SORCS1: variants seen among roughly 807,000 people sequenced by gnomAD.
SORCS1 encodes the protein VPS10 domain-containing receptor SorCS1.
Under a neutral mutation model 146.1 loss-of-function variants are expected in SORCS1, and 60 were observed. That is an observed-to-expected ratio of 0.41 (90% CI 0.33 to 0.51). The LOEUF is 0.51. Ranked by LOEUF, SORCS1 falls within the 20% of genes least tolerant of loss-of-function variation. The probability of loss-of-function intolerance (pLI) is 0.21; values close to 1 mark genes in which losing one functional copy is unlikely to be tolerated. For synonymous variants in SORCS1, 637 were observed against 584.0 expected, an observed-to-expected ratio of 1.09 and a Z score of -1.31; for missense variants, 1,352 against 1,487.6, an observed-to-expected ratio of 0.91 and a Z score of 1.50.
intron 21 of SORCS1, among the ~76,000 whole-genome samples, chr10:106,615,595 C>T (rs553699594): frequency 5.2e-4 from 79 of 152,166 alleles, no homozygotes; most frequent in Middle Eastern, 3.4e-3. Context: ...GGGAGGATCG[C>T]TTGAGGCCAG....
intron 1 of SORCS1, among the ~76,000 whole-genome samples, chr10:107,154,727 T>C (rs1590259285): frequency 6.6e-6 from 1 of 152,156 alleles, no homozygotes; most frequent in East Asian, 1.9e-4. Flanking sequence ...ATTACAAACA[T>C]CTTTTAATAG....
At chr10:106,952,632 T>G (rs186304160) in intron 2 of SORCS1, among the ~76,000 whole-genome samples, 22 of 149,032 alleles carry the variant, frequency 1.5e-4, no homozygotes, top group South Asian at 4.2e-4. Context: ...TCCACCTTAT[T>G]CTCTGTTTTC....
At chr10:107,140,679 A>G (rs1393802630) in intron 1 of SORCS1, among the ~76,000 whole-genome samples, 1 of 152,226 alleles carries the variant, frequency 6.6e-6, no homozygotes, top group Non-Finnish European at 1.5e-5. Context: ...ACATAGTCCC[A>G]TAAGAAATTG....
intron 4 of SORCS1, among the ~76,000 whole-genome samples, chr10:106,773,507 G>A (rs530216739): frequency 6.6e-6 from 1 of 152,298 alleles, no homozygotes; most frequent in South Asian, 2.1e-4. Flanking sequence ...AGATACGGAG[G>A]TCTTCTCTGA....
intron 24 of SORCS1, among the ~76,000 whole-genome samples, chr10:106,591,498 G>A (rs1289605061): frequency 6.6e-6 from 1 of 152,168 alleles, no homozygotes; most frequent in Admixed American, 6.5e-5. Flanking sequence ...GGATCTGAAG[G>A]TTAACTGCGG....
chr10:106,738,892 T>C (rs572457362), intron 5 of SORCS1, among the ~76,000 whole-genome samples: 3 of 152,166 alleles, frequency 2.0e-5, no homozygotes, highest in African/African-American at 7.2e-5. Context: ...CTCACTATAC[T>C]GCCCCGGCTG....
At chr10:107,122,529 T>C (rs996288459) in intron 1 of SORCS1, among the ~76,000 whole-genome samples, 1 of 152,204 alleles carries the variant, frequency 6.6e-6, no homozygotes, top group Non-Finnish European at 1.5e-5. Flanking sequence ...GGAAATAAGG[T>C]AAGACCCTAA....
intron 1 of SORCS1, among the ~76,000 whole-genome samples, chr10:106,983,730 A>C (rs1478212351): frequency 6.6e-6 from 1 of 152,164 alleles, no homozygotes; most frequent in Non-Finnish European, 1.5e-5. Flanking sequence ...TTAAGTTCAA[A>C]CATACGCTGC....
intron 20 of SORCS1, among the ~76,000 whole-genome samples, chr10:106,619,279 C>T (rs746189734): frequency 6.6e-6 from 1 of 152,196 alleles, no homozygotes; most frequent in Non-Finnish European, 1.5e-5. Flanking sequence ...TGAGTTCACA[C>T]ACATAGTTTC....
chr10:106,822,775 A>G (rs1291851784), intron 3 of SORCS1, among the ~76,000 whole-genome samples: 1 of 120,746 alleles, frequency 8.3e-6, no homozygotes, highest in African/African-American at 4.0e-5. Flanking sequence ...CTCTGAATTC[A>G]TGTGTGGTTT....
At chr10:106,599,745 C>A (rs1341529905) in intron 23 of SORCS1, among the ~76,000 whole-genome samples, 1 of 151,770 alleles carries the variant, frequency 6.6e-6, no homozygotes, top group African/African-American at 2.4e-5. Flanking sequence ...CCAGGTGAAG[C>A]CATATTTCTT....
At chr10:106,667,974 G>T (rs1039347612) in intron 16 of SORCS1, among the ~76,000 whole-genome samples, 172 bp from the exon 17 acceptor site, 16 of 150,192 alleles carry the variant, frequency 1.1e-4, no homozygotes, top group African/African-American at 3.9e-4. Flanking sequence ...CTCAAAAATA[G>T]AACTTTTTTC....
intron 1 of SORCS1, among the ~76,000 whole-genome samples, chr10:107,127,619 A>C (rs113811640): frequency 1.3e-3 from 203 of 152,290 alleles, no homozygotes; most frequent in African/African-American, 4.6e-3. Flanking sequence ...GTCCTCTGTG[A>C]ACATCTCACG....
At chr10:107,152,279 G>A (rs1968869287) in intron 1 of SORCS1, among the ~76,000 whole-genome samples, 1 of 152,198 alleles carries the variant, frequency 6.6e-6, no homozygotes, top group African/African-American at 2.4e-5. Flanking sequence ...TTGCTGCAGG[G>A]GTGGAGCCCT....
Position 107,099,772 on chromosome 10 carries a change from C to G in SORCS1, c.558+64197G>C, listed in dbSNP as rs143310589. Among the ~76,000 whole-genome samples the G allele has an allele frequency of 1.8e-3, 279 of 152,264 alleles. 1 individual carries two copies. The highest frequency in any genetic ancestry group is 6.1e-3 in the African/African-American group (255 of 41,554). ...TAAAAGTGATCTAGATTCATTCTTT[C>G]ATTTGTTTTGTATGGTTTAGTGCAT... On this transcript the variant is annotated intron_variant, in intron 1 of 25. Coordinates refer to ENST00000263054, the MANE Select transcript of SORCS1 (RefSeq NM_052918.5).
intron 2 of SORCS1, among the ~76,000 whole-genome samples, chr10:106,830,645 C>G (rs141768504): frequency 0.017 from 2,610 of 150,638 alleles, 99 homozygotes; most frequent in African/African-American, 0.06. Context: ...CCTGTAATAC[C>G]AGCACTTTAG....
At chr10:106,759,114 G>C (rs1351238590) in intron 5 of SORCS1, among the ~76,000 whole-genome samples, 1 of 152,182 alleles carries the variant, frequency 6.6e-6, no homozygotes, top group Non-Finnish European at 1.5e-5. Flanking sequence ...TTGAAAATGA[G>C]AAAGATAAAA....
intron 2 of SORCS1, among the ~76,000 whole-genome samples, chr10:106,906,228 C>A (rs1228728818): frequency 6.6e-6 from 1 of 152,342 alleles, no homozygotes; most frequent in African/African-American, 2.4e-5. Flanking sequence ...AATTCTCCTG[C>A]CTCAGCCTCC....
At chr10:107,139,376 A>T (rs1156993544) in intron 1 of SORCS1, among the ~76,000 whole-genome samples, 1 of 152,232 alleles carries the variant, frequency 6.6e-6, no homozygotes, top group Non-Finnish European at 1.5e-5. Flanking sequence ...TGCAATTTCT[A>T]TTACTATTTA....
Sources: gnomAD v4.1 joint callset for allele counts (sites outside exome capture counted in the v4.1 genomes callset) on GRCh38, gnomAD v4.1.1 for gene constraint, MANE v1.5 for transcripts, NCBI Gene and HGNC (gene_info 2026-07-23, HGNC 2026-07-21) for gene names.